RBFOX1: variants seen among roughly 807,000 people sequenced by gnomAD.
RBFOX1 encodes RNA binding protein fox-1 homolog 1.
In RBFOX1, 8 loss-of-function variants were observed where a neutral mutation model predicts 57.7. The observed-to-expected ratio is 0.14, with a 90% confidence interval of 0.08 to 0.25. RBFOX1 has a LOEUF of 0.25. RBFOX1 is among the 10% of genes least tolerant of loss of function. The pLI, the probability that RBFOX1 is intolerant of heterozygous loss-of-function variation, is 1.00. For synonymous variants in RBFOX1, 326 were observed against 222.4 expected (o/e 1.47, Z -4.15); for missense variants, 611 against 548.5 (o/e 1.11, Z -1.14).
intron 2 of RBFOX1, among the ~76,000 whole-genome samples, chr16:6,559,447 C>G (rs778353608): frequency 2.6e-5 from 4 of 152,058 alleles, no homozygotes; most frequent in Non-Finnish European, 4.4e-5. Context: ...GCACCATCTT[C>G]TCTTTTAGAA....
intron 4 of RBFOX1, among the ~76,000 whole-genome samples, chr16:7,308,934 G>A (rs1392001098): frequency 2.0e-5 from 3 of 152,174 alleles, no homozygotes; most frequent in African/African-American, 7.2e-5. Flanking sequence ...GGGGCCAAAT[G>A]GAATTTATCA....
intron 3 of RBFOX1, among the ~76,000 whole-genome samples, chr16:6,693,046 C>T (rs1228852781): frequency 6.6e-6 from 1 of 152,004 alleles, no homozygotes; most frequent in Non-Finnish European, 1.5e-5. Flanking sequence ...CCACTACCAT[C>T]ACCACCATCA....
chr16:7,019,495 CTT>C (rs1296876746), intron 3 of RBFOX1, among the ~76,000 whole-genome samples: 1 of 152,138 alleles, frequency 6.6e-6, no homozygotes, highest in East Asian at 1.9e-4. Context: ...CAAAAGCTCT[CTT>C]GTCTGAACCC....
intron 2 of RBFOX1, among the ~76,000 whole-genome samples, chr16:6,418,967 C>T (rs780190684): frequency 1.1e-4 from 17 of 152,094 alleles, no homozygotes; most frequent in Non-Finnish European, 2.2e-4. Context: ...TTGGAAAAAG[C>T]GTATGTATGG....
At chr16:7,612,764 G>A (rs1005316549) in intron 10 of RBFOX1, among the ~76,000 whole-genome samples, 2 of 152,060 alleles carry the variant, frequency 1.3e-5, no homozygotes, top group Non-Finnish European at 1.5e-5. Flanking sequence ...TTGTCAGCAC[G>A]GGGCTGTCAA....
chr16:5,296,091 TCTC>T (rs770015494), intron 1 of RBFOX1, among the ~76,000 whole-genome samples: 8 of 152,162 alleles, frequency 5.3e-5, no homozygotes, highest in Non-Finnish European at 7.4e-5. Flanking sequence ...CCCCTGAGCT[TCTC>T]CTGTGTTGTT....
chr16:6,361,309 G>C (rs965930072), intron 2 of RBFOX1, among the ~76,000 whole-genome samples: 1 of 152,090 alleles, frequency 6.6e-6, no homozygotes, highest in Non-Finnish European at 1.5e-5. Context: ...TAGACACCAG[G>C]AACAAGATTG....
intron 1 of RBFOX1, among the ~76,000 whole-genome samples, chr16:5,378,473 G>T (rs1384183638): frequency 6.6e-6 from 1 of 151,452 alleles, no homozygotes. Flanking sequence ...TTTGCTAGGG[G>T]CACCCTAGCA....
At chr16:5,561,403 G>A (rs912936217) in intron 2 of RBFOX1, among the ~76,000 whole-genome samples, 3 of 151,762 alleles carry the variant, frequency 2.0e-5, no homozygotes, top group Non-Finnish European at 2.9e-5. Context: ...CCCCAAATTT[G>A]TAATTCTGTA....
chr16:7,497,744 T>C (rs771625765), intron 4 of RBFOX1, among the ~76,000 whole-genome samples: 1 of 152,214 alleles, frequency 6.6e-6, no homozygotes. Flanking sequence ...AGAACTAGTT[T>C]CTTTCTGATC....
chr16:5,873,465 A>G (rs924660000), intron 4 of RBFOX1, among the ~76,000 whole-genome samples: 2 of 152,216 alleles, frequency 1.3e-5, no homozygotes, highest in Non-Finnish European at 2.9e-5. Flanking sequence ...CCAGCACCAA[A>G]GAATATTTAA....
Position 6,947,028 on chromosome 16 carries a change from C to G in RBFOX1, c.-15-105029C>G, listed in dbSNP as rs565225307. Among the ~76,000 whole-genome samples the G allele has an allele frequency of 5.9e-5, 9 of 152,342 alleles. No individual in the cohort carries two copies. The East Asian group carries it at 1.7e-3, about 29-fold the overall frequency. The stretch of plus-strand genomic sequence containing the variant: ...GGGTTGAGCAAGTCCCTTCACCTCT[C>G]TCCTGGCCTCAGGCTCCTCATCTGT... On this transcript the variant is annotated intron_variant, in intron 3 of 15. Transcript: ENST00000550418.
intron 1 of RBFOX1, among the ~76,000 whole-genome samples, chr16:6,223,599 C>T (rs907575605): frequency 1.2e-4 from 18 of 152,062 alleles, no homozygotes; most frequent in African/African-American, 3.9e-4. Context: ...TTCTGGATAT[C>T]AGCCCTTTGT....
At position 7,711,438 on chromosome 16, in the gene RBFOX1, G is replaced by C. The variant is rs1001464618; in HGVS notation, c.*693G>C. 11 of 152,194 alleles carry C rather than the reference G, an allele frequency of 7.2e-5. No individual in the cohort carries two copies. The highest frequency in any genetic ancestry group is 6.6e-4 in the Admixed American group (10 of 15,232). The allele number at this position is 152,194 out of a possible 1,614,324, so 9.4% of individuals were successfully genotyped here. On this transcript the variant is annotated 3_prime_UTR_variant, in exon 16 of 16. Coordinates refer to ENST00000550418, the MANE Select transcript of RBFOX1 (RefSeq NM_018723.4). ...CCGGCAGTATTCAGCTTCTTAACCAGTCGCTATTTAGGAAAAAAAACCCAC... is the reference window on the plus strand; with the variant it reads ...CCGGCAGTATTCAGCTTCTTAACCACTCGCTATTTAGGAAAAAAAACCCAC...
chr16:7,123,317 T>A (rs62014151), intron 4 of RBFOX1, among the ~76,000 whole-genome samples: 2 of 151,894 alleles, frequency 1.3e-5, no homozygotes, highest in Admixed American at 6.6e-5. Context: ...TTAAAAATAT[T>A]TGTGGATGGA....
chr16:7,582,052 CAA>C (rs2093812914), intron 6 of RBFOX1, among the ~76,000 whole-genome samples: 1 of 144,234 alleles, frequency 6.9e-6, no homozygotes, highest in Non-Finnish European at 1.5e-5. Context: ...TTTTTTGTGA[CAA>C]AGTCTTAGTC....
chr16:6,472,228 A>G (rs951538847), intron 2 of RBFOX1, among the ~76,000 whole-genome samples: 2 of 152,168 alleles, frequency 1.3e-5, no homozygotes, highest in Admixed American at 1.3e-4. Flanking sequence ...TGGACAAGGG[A>G]CCGATGAAGG....
At chr16:7,136,060 G>A (rs966777022) in intron 4 of RBFOX1, among the ~76,000 whole-genome samples, 1 of 152,204 alleles carries the variant, frequency 6.6e-6, no homozygotes, top group African/African-American at 2.4e-5. Context: ...GAGCATATTT[G>A]TAACTGAGCA....
intron 3 of RBFOX1, among the ~76,000 whole-genome samples, chr16:6,915,128 G>A (rs887438745): frequency 5.3e-5 from 8 of 152,148 alleles, no homozygotes; most frequent in African/African-American, 1.9e-4. Context: ...CTAATCAGTG[G>A]CGGAGCCATG....
Sources: allele counts gnomAD v4.1 joint callset (sites outside exome capture counted in the v4.1 genomes callset), GRCh38; gene constraint gnomAD v4.1.1; transcripts MANE v1.5; gene names NCBI Gene and HGNC (gene_info 2026-07-23, HGNC 2026-07-21).